Variants in RSRC1 observed in about 807,000 individuals in gnomAD.
RSRC1 encodes the protein serine/Arginine-related protein 53.
RSRC1 carries 39 observed loss-of-function variants against 49.1 expected under a neutral mutation model. The ratio of observed to expected loss-of-function variants is 0.79; its 90% CI spans 0.61 to 1.04. RSRC1 has a LOEUF of 1.04. RSRC1 is among the 50% of genes least tolerant of loss of function. The pLI is 0.00. For missense variants in RSRC1, 388 were observed against 402.4 expected (o/e 0.96, Z 0.31); for synonymous variants, 143 against 130.8 (o/e 1.09, Z -0.63).
At chr3:158,256,239 A>G (rs181823228) in intron 4 of RSRC1, among the ~76,000 whole-genome samples, 8 of 152,256 alleles carry the variant, frequency 5.3e-5, no homozygotes, top group South Asian at 2.1e-4. Flanking sequence ...ACGTTCCTCA[A>G]TACCTAGTTT....
intron 4 of RSRC1, among the ~76,000 whole-genome samples, chr3:158,290,626 A>C (rs1726883405): frequency 6.6e-6 from 1 of 152,174 alleles, no homozygotes; most frequent in Non-Finnish European, 1.5e-5. Flanking sequence ...ATTCATCAAT[A>C]ACATTTGATA....
intron 3 of RSRC1, among the ~76,000 whole-genome samples, chr3:158,175,181 T>C (rs1719128254): frequency 6.6e-6 from 1 of 152,086 alleles, no homozygotes; most frequent in African/African-American, 2.4e-5. Context: ...CTTAATGATT[T>C]GTGGCAGTTT....
intron 7 of RSRC1, among the ~76,000 whole-genome samples, chr3:158,513,270 A>G (rs1487205577): frequency 6.6e-6 from 1 of 150,928 alleles, no homozygotes; most frequent in African/African-American, 2.4e-5. Context: ...GATAGCTCTT[A>G]TTATTTTGAA....
At chr3:158,163,296 T>A (rs1331592965) in intron 3 of RSRC1, among the ~76,000 whole-genome samples, 1 of 151,952 alleles carries the variant, frequency 6.6e-6, no homozygotes, top group Non-Finnish European at 1.5e-5. Flanking sequence ...GTGAGCCACC[T>A]CATGTGGCCT....
At chr3:158,491,167 C>G (rs1739069386) in intron 7 of RSRC1, among the ~76,000 whole-genome samples, 2 of 152,134 alleles carry the variant, frequency 1.3e-5, no homozygotes, top group Non-Finnish European at 2.9e-5. Context: ...CTCATTTCCT[C>G]TTGTCTACTA....
intron 6 of RSRC1, among the ~76,000 whole-genome samples, chr3:158,420,750 T>G (rs1267555233): frequency 6.6e-6 from 1 of 151,930 alleles, no homozygotes; most frequent in African/African-American, 2.4e-5. Context: ...GAAATGTCAT[T>G]CAGAATAACA....
intron 7 of RSRC1, among the ~76,000 whole-genome samples, chr3:158,517,520 CT>C: frequency 6.6e-6 from 1 of 151,256 alleles, no homozygotes; most frequent in East Asian, 1.9e-4. Flanking sequence ...GGTGGATTCC[CT>C]TTGCTTCAGA....
intron 4 of RSRC1, among the ~76,000 whole-genome samples, chr3:158,241,459 A>T (rs1026123015): frequency 6.6e-6 from 1 of 150,884 alleles, no homozygotes; most frequent in Non-Finnish European, 1.5e-5. Flanking sequence ...CTGTCTCAAA[A>T]ATATATATAT....
chr3:158,487,973 A>AAAAAAAAAAAAAAAAAG (rs1320102559), intron 7 of RSRC1, among the ~76,000 whole-genome samples: 2 of 149,120 alleles, frequency 1.3e-5, no homozygotes, highest in African/African-American at 2.5e-5. Context: ...AAAAAAAAAA[A>AAAAAAAAAAAAAAAAAG]ACTGGCTGAA....
chr3:158,239,006 TAAAC>T (rs1179251105), intron 4 of RSRC1, among the ~76,000 whole-genome samples: 8 of 151,548 alleles, frequency 5.3e-5, no homozygotes, highest in Admixed American at 5.3e-4. Flanking sequence ...ACAAAGCACA[TAAAC>T]AAATTTACAA....
At chr3:158,240,935 T>C (rs1559957788) in intron 4 of RSRC1, among the ~76,000 whole-genome samples, 1 of 152,182 alleles carries the variant, frequency 6.6e-6, no homozygotes, top group Non-Finnish European at 1.5e-5. Flanking sequence ...AAAAATCACA[T>C]TTTTATAACT....
chr3:158,216,070 T>C (rs1175364102), intron 4 of RSRC1, among the ~76,000 whole-genome samples: 2 of 151,618 alleles, frequency 1.3e-5, no homozygotes, highest in Non-Finnish European at 3.0e-5. Context: ...ATTTCTCCTT[T>C]ATTAGAAATT....
chr3:158,224,908 T>C (rs1722438124), intron 4 of RSRC1, among the ~76,000 whole-genome samples: 1 of 151,892 alleles, frequency 6.6e-6, no homozygotes, highest in Non-Finnish European at 1.5e-5. Context: ...GGATATTTTC[T>C]ATTTTGAAGA....
intron 3 of RSRC1, among the ~76,000 whole-genome samples, chr3:158,125,609 A>C (rs1715568967): frequency 6.6e-6 from 1 of 152,020 alleles, no homozygotes; most frequent in South Asian, 2.1e-4. Context: ...GGTCTTATTA[A>C]ATTTGTTAAG....
At chr3:158,125,357 T>C (rs1715554059) in intron 3 of RSRC1, among the ~76,000 whole-genome samples, 1 of 152,156 alleles carries the variant, frequency 6.6e-6, no homozygotes, top group African/African-American at 2.4e-5. Flanking sequence ...TAGGTGTTCA[T>C]GCTAAAACTT....
chr3:158,198,938 T>C (rs1720845665), intron 3 of RSRC1, among the ~76,000 whole-genome samples: 1 of 152,194 alleles, frequency 6.6e-6, no homozygotes, highest in African/African-American at 2.4e-5. Context: ...AGCCATGTAA[T>C]TCTCTTAAAG....
chr3:158,227,739 A>G (rs1191047292), intron 4 of RSRC1, among the ~76,000 whole-genome samples: 1 of 152,078 alleles, frequency 6.6e-6, no homozygotes, highest in Non-Finnish European at 1.5e-5. Context: ...TTTGTTCTGT[A>G]AAAGTCCAGA....
At chr3:158,129,207 T>G (rs1329498232) in intron 3 of RSRC1, among the ~76,000 whole-genome samples, 1 of 152,018 alleles carries the variant, frequency 6.6e-6, no homozygotes, top group Non-Finnish European at 1.5e-5. Flanking sequence ...TGATTCAAAT[T>G]AATTTTTGTG....
intron 1 of RSRC1, among the ~76,000 whole-genome samples, chr3:158,118,020 G>A (rs1030945475): frequency 5.9e-5 from 9 of 152,012 alleles, no homozygotes; most frequent in African/African-American, 2.2e-4. Flanking sequence ...CACAATGTTG[G>A]CTCACTGTAG....
Sources: gnomAD v4.1 joint callset for allele counts (sites outside exome capture counted in the v4.1 genomes callset) on GRCh38, gnomAD v4.1.1 for gene constraint, MANE v1.5 for transcripts, NCBI Gene and HGNC (gene_info 2026-07-23, HGNC 2026-07-21) for gene names.